Variants in RUNDC3B observed in about 807,000 individuals in gnomAD.
RUNDC3B encodes the protein RUN domain-containing protein 3B.
RUNDC3B carries 33 observed loss-of-function variants against 58.4 expected under a neutral mutation model. That is an observed-to-expected ratio of 0.56 (90% CI 0.43 to 0.75). The LOEUF is 0.75. RUNDC3B is among the 30% of genes least tolerant of loss of function. The pLI is 0.00. For synonymous variants in RUNDC3B, 193 were observed against 195.2 expected, an observed-to-expected ratio of 0.99 and a Z score of 0.10; for missense variants, 501 against 535.7, an observed-to-expected ratio of 0.94 and a Z score of 0.64.
chr7:87,709,205 C>G (rs1331961034), intron 3 of RUNDC3B: 2 of 979,220 alleles, frequency 2.0e-6, no homozygotes, highest in African/African-American at 1.8e-5. Flanking sequence ...AATCAGGAAG[C>G]AAGATTTTCC....
At chr7:87,643,624 A>T (rs1233446297) in intron 1 of RUNDC3B, among the ~76,000 whole-genome samples, 1 of 151,158 alleles carries the variant, frequency 6.6e-6, no homozygotes, top group Admixed American at 6.6e-5. Context: ...AGGTTCAAGC[A>T]ATTTTCCTGC....
chr7:87,659,084 G>A (rs1480426247), intron 2 of RUNDC3B: 2 of 247,940 alleles, frequency 8.1e-6, no homozygotes, highest in Non-Finnish European at 1.6e-5. Flanking sequence ...AGCCCAGGAA[G>A]TTGAGGCTGC....
chr7:87,811,159 C>CTGG (rs1203484054), intron 9 of RUNDC3B, among the ~76,000 whole-genome samples: 2 of 152,006 alleles, frequency 1.3e-5, no homozygotes, highest in Admixed American at 1.3e-4. Context: ...AGATTATTGC[C>CTGG]TAACTCACCC....
At chr7:87,651,222 G>T (rs116078548) in intron 2 of RUNDC3B, among the ~76,000 whole-genome samples, 58 of 152,150 alleles carry the variant, frequency 3.8e-4, no homozygotes, top group African/African-American at 1.3e-3. Context: ...GCATCCCAAA[G>T]GTTACTAGAT....
rs182118130 is a variant in RUNDC3B at position 87,802,493 on chromosome 7, T to C, written c.957-4880T>C. On this transcript the variant is annotated intron_variant, in intron 8 of 10. Transcript: ENST00000394654. ...AAAAATTAGAAAGAATAAGACCTAG[T>C]GTTTGCTAGCACAACAGAGTGACTA... Among the ~76,000 whole-genome samples, 1,034 of 152,270 alleles carry C rather than the reference T, an allele frequency of 6.8e-3. 10 individuals are homozygous for C. Among genetic ancestry groups the C allele is most frequent in the Middle Eastern group, 0.034 (10 of 294 alleles).
At chr7:87,796,451 AAAAGT>A (rs1244586960) in intron 8 of RUNDC3B, among the ~76,000 whole-genome samples, 1 of 152,184 alleles carries the variant, frequency 6.6e-6, no homozygotes, top group African/African-American at 2.4e-5. Context: ...AAAAATAACT[AAAAGT>A]AAAATCGGAT....
At chr7:87,818,595 C>G (rs1267686298) in intron 10 of RUNDC3B, among the ~76,000 whole-genome samples, 2 of 152,110 alleles carry the variant, frequency 1.3e-5, no homozygotes, top group Non-Finnish European at 2.9e-5. Flanking sequence ...ACACAAAACC[C>G]AAGCTTTCAG....
chr7:87,750,713 T>C (rs1317999970), intron 6 of RUNDC3B, among the ~76,000 whole-genome samples: 1 of 150,932 alleles, frequency 6.6e-6, no homozygotes, highest in Non-Finnish European at 1.5e-5. Flanking sequence ...TTCGCCCACT[T>C]TTTGATGGGG....
intron 1 of RUNDC3B, among the ~76,000 whole-genome samples, chr7:87,646,251 T>G (rs1341011505): frequency 6.6e-6 from 1 of 152,178 alleles, no homozygotes; most frequent in Non-Finnish European, 1.5e-5. Context: ...GGTCTCTTGA[T>G]GATATGAAAA....
At chr7:87,630,939 C>A (rs73705282) in intron 1 of RUNDC3B, among the ~76,000 whole-genome samples, 55 of 152,186 alleles carry the variant, frequency 3.6e-4, no homozygotes, top group African/African-American at 1.2e-3. Context: ...ACACTGATTT[C>A]TGGGGACAGC....
At chr7:87,643,247 G>A (rs566013148) in intron 1 of RUNDC3B, among the ~76,000 whole-genome samples, 42 of 152,032 alleles carry the variant, frequency 2.8e-4, no homozygotes, top group African/African-American at 8.2e-4. Flanking sequence ...TTTACATTGC[G>A]TAAAATTTTT....
intron 8 of RUNDC3B, among the ~76,000 whole-genome samples, chr7:87,795,427 G>C (rs1184847969): frequency 6.6e-6 from 1 of 152,126 alleles, no homozygotes; most frequent in Non-Finnish European, 1.5e-5. Context: ...ATTACAATGA[G>C]ATATCATCTC....
intron 1 of RUNDC3B, among the ~76,000 whole-genome samples, chr7:87,640,964 A>G (rs1584974722): frequency 6.6e-6 from 1 of 152,138 alleles, no homozygotes; most frequent in Admixed American, 6.5e-5. Flanking sequence ...TGTATTACTC[A>G]CATTTATCTT....
chr7:87,764,200 T>G (rs980314484), intron 6 of RUNDC3B, among the ~76,000 whole-genome samples: 3 of 151,852 alleles, frequency 2.0e-5, no homozygotes, highest in Non-Finnish European at 4.4e-5. Context: ...TGATATTTTT[T>G]GAAGGACTTC....
At chr7:87,734,890 C>T (rs1042052309) in intron 4 of RUNDC3B, among the ~76,000 whole-genome samples, 1 of 152,140 alleles carries the variant, frequency 6.6e-6, no homozygotes, top group Non-Finnish European at 1.5e-5. Context: ...TTTCCTTAAT[C>T]GCTCTGTCTC....
chr7:87,689,942 T>G (rs1827856837), intron 2 of RUNDC3B, among the ~76,000 whole-genome samples: 1 of 152,158 alleles, frequency 6.6e-6, no homozygotes, highest in South Asian at 2.1e-4. Context: ...TGCACTATAT[T>G]TTTACTTTAA....
At chr7:87,716,882 G>GC (rs1830582510) in intron 4 of RUNDC3B, among the ~76,000 whole-genome samples, 1 of 152,136 alleles carries the variant, frequency 6.6e-6, no homozygotes, top group Non-Finnish European at 1.5e-5. Context: ...TGTCTTCTAG[G>GC]CTGCAGTGCA....
At chr7:87,696,449 A>T (rs563303455) in intron 2 of RUNDC3B, among the ~76,000 whole-genome samples, 2 of 152,298 alleles carry the variant, frequency 1.3e-5, no homozygotes, top group East Asian at 3.9e-4. Flanking sequence ...AATATCGCAG[A>T]TAACTCATTG....
At chr7:87,819,040 A>ATTTATG (rs1409587716) in intron 10 of RUNDC3B, among the ~76,000 whole-genome samples, 3 of 152,182 alleles carry the variant, frequency 2.0e-5, no homozygotes, top group African/African-American at 7.2e-5. Flanking sequence ...TGACCCAGCG[A>ATTTATG]CAGATGCATA....
Sources: gnomAD v4.1 joint callset for allele counts (sites outside exome capture counted in the v4.1 genomes callset) on GRCh38, gnomAD v4.1.1 for gene constraint, MANE v1.5 for transcripts, NCBI Gene and HGNC (gene_info 2026-07-23, HGNC 2026-07-21) for gene names.